CNTNAP5: variants seen among roughly 807,000 people sequenced by gnomAD.
The protein encoded by CNTNAP5 is contactin associated protein family member 5, also known as contactin-associated protein-like 5.
A neutral mutation model predicts 150.2 loss-of-function variants in CNTNAP5; 72 were observed. The ratio of observed to expected loss-of-function variants is 0.48; its 90% CI spans 0.40 to 0.58. The LOEUF is 0.58. CNTNAP5 is among the 20% of genes least tolerant of loss of function. The probability of loss-of-function intolerance (pLI) is 0.00; values close to 1 mark genes in which losing one functional copy is unlikely to be tolerated. For synonymous variants in CNTNAP5, 672 were observed against 619.8 expected, an observed-to-expected ratio of 1.08 and a Z score of -1.25; for missense variants, 1,636 against 1,626.2, an observed-to-expected ratio of 1.01 and a Z score of -0.10.
intron 13 of CNTNAP5, among the ~76,000 whole-genome samples, chr2:124,693,730 A>G (rs934891975): frequency 6.6e-5 from 10 of 151,172 alleles, no homozygotes; most frequent in African/African-American, 2.4e-4. Context: ...GGGCCAGTTT[A>G]TTTTTCAATA....
At chr2:124,375,079 A>G (rs745985490) in intron 3 of CNTNAP5, among the ~76,000 whole-genome samples, 1 of 152,114 alleles carries the variant, frequency 6.6e-6, no homozygotes, top group Non-Finnish European at 1.5e-5. Context: ...ATTCTAATGA[A>G]CAGAAGTAGA....
intron 7 of CNTNAP5, among the ~76,000 whole-genome samples, chr2:124,479,207 G>A (rs1368741898): frequency 6.6e-6 from 1 of 152,156 alleles, no homozygotes; most frequent in Non-Finnish European, 1.5e-5. Context: ...ATTGAAGTGT[G>A]TGTACAGTAC....
At chr2:124,767,892 G>C (rs1175915177) in intron 16 of CNTNAP5, among the ~76,000 whole-genome samples, 1 of 152,202 alleles carries the variant, frequency 6.6e-6, no homozygotes, top group African/African-American at 2.4e-5. Context: ...CATCATGGTG[G>C]AGCTGCATCC....
chr2:124,185,086 C>T (rs1158443125), intron 1 of CNTNAP5, among the ~76,000 whole-genome samples: 1 of 152,168 alleles, frequency 6.6e-6, no homozygotes, highest in Non-Finnish European at 1.5e-5. Context: ...TTATCATTAA[C>T]CCAATTGACA....
intron 19 of CNTNAP5, among the ~76,000 whole-genome samples, chr2:124,818,049 C>T (rs1441257553): frequency 6.6e-6 from 1 of 152,112 alleles, no homozygotes; most frequent in African/African-American, 2.4e-5. Context: ...GTGCTAAACT[C>T]ATATAAAGCA....
chr2:124,287,156 G>A (rs980919812), intron 3 of CNTNAP5, among the ~76,000 whole-genome samples: 1 of 152,152 alleles, frequency 6.6e-6, no homozygotes, highest in Admixed American at 6.6e-5. Flanking sequence ...CTACAATCGG[G>A]TGCTTACCTG....
At position 124,419,989 on chromosome 2, in the gene CNTNAP5, T is replaced by TTTCTTTC. The variant is rs1553466683; in HGVS notation, c.529+2401_529+2402insCTTTCTT. Among the ~76,000 whole-genome samples the TTTCTTTC allele has an allele frequency of 9.1e-4, 78 of 85,778 alleles. 4 individuals are homozygous for TTTCTTTC. Among genetic ancestry groups the TTTCTTTC allele is most frequent in the African/African-American group, 3.3e-3 (77 of 23,500 alleles). 56.3% of individuals were successfully genotyped at this position (85,778 alleles called of 152,430 possible). A position where few individuals can be genotyped will look rare whatever the true frequency, so the allele number is the denominator to read the frequency against. ...CTCTCTCTCTTTCTTTCTTTCTTTC[T>TTTCTTTC]TTTTTTTTTTTTTTTTTTTTGAGAT... On this transcript the variant is annotated intron_variant, in intron 4 of 23. Transcript: ENST00000682447.
intron 1 of CNTNAP5, among the ~76,000 whole-genome samples, chr2:124,151,192 G>A (rs2104634007): frequency 6.6e-6 from 1 of 152,284 alleles, no homozygotes; most frequent in South Asian, 2.1e-4. Context: ...GATATGGGGT[G>A]AATTGGGCCG....
intron 1 of CNTNAP5, among the ~76,000 whole-genome samples, chr2:124,082,713 T>A (rs1682588129): frequency 6.6e-6 from 1 of 152,254 alleles, no homozygotes. Context: ...GTATACTTTT[T>A]AAATAATCTG....
intron 3 of CNTNAP5, among the ~76,000 whole-genome samples, chr2:124,291,508 C>T (rs1473033482): frequency 1.3e-5 from 2 of 151,332 alleles, no homozygotes; most frequent in East Asian, 1.9e-4. Flanking sequence ...TAATTCTGTA[C>T]ACCAGAGAGA....
intron 3 of CNTNAP5, among the ~76,000 whole-genome samples, chr2:124,287,746 C>T (rs1371829300): frequency 2.0e-5 from 3 of 152,186 alleles, no homozygotes; most frequent in Middle Eastern, 6.8e-3. Context: ...TTCTAATGTA[C>T]CTGACTAGTG....
At chr2:124,291,001 ACAGT>A (rs1292527042) in intron 3 of CNTNAP5, among the ~76,000 whole-genome samples, 1 of 152,116 alleles carries the variant, frequency 6.6e-6, no homozygotes, top group Admixed American at 6.6e-5. Context: ...TGCCACAGTG[ACAGT>A]CACAGAGTGA....
chr2:124,053,247 G>A (rs1228168), intron 1 of CNTNAP5, among the ~76,000 whole-genome samples: 37,452 of 152,130 alleles, frequency 0.25, 4,903 homozygotes, highest in Middle Eastern at 0.32. Flanking sequence ...CTGAGGTGAA[G>A]CAGAACCAAA....
At chr2:124,444,541 G>C (rs1692763262) in intron 5 of CNTNAP5, among the ~76,000 whole-genome samples, 1 of 152,138 alleles carries the variant, frequency 6.6e-6, no homozygotes. Flanking sequence ...GTTGCAGTGA[G>C]CCCAGATCAT....
chr2:124,377,452 T>C (rs561474062), intron 3 of CNTNAP5, among the ~76,000 whole-genome samples: 11 of 152,158 alleles, frequency 7.2e-5, no homozygotes, highest in Non-Finnish European at 1.3e-4. Context: ...GGTGGGCAGA[T>C]CACCTGAGGT....
At chr2:124,507,454 A>T (rs1029253343) in intron 8 of CNTNAP5, among the ~76,000 whole-genome samples, 7 of 152,120 alleles carry the variant, frequency 4.6e-5, no homozygotes, top group African/African-American at 1.7e-4. Context: ...ATGAGATCCC[A>T]TCTCAAAAAA....
chr2:124,754,765 G>A (rs11889990), intron 14 of CNTNAP5, among the ~76,000 whole-genome samples: 1,766 of 151,860 alleles, frequency 0.012, 43 homozygotes, highest in African/African-American at 0.041. Flanking sequence ...TTGGCTCACC[G>A]CAGCCTCAAA....
At chr2:124,900,312 A>G (rs1195935705) in intron 21 of CNTNAP5, among the ~76,000 whole-genome samples, 1 of 151,626 alleles carries the variant, frequency 6.6e-6, no homozygotes, top group Non-Finnish European at 1.5e-5. Context: ...TGCTATTATA[A>G]GAAACTAAAA....
At chr2:124,106,794 T>C (rs1683181102) in intron 1 of CNTNAP5, among the ~76,000 whole-genome samples, 1 of 152,186 alleles carries the variant, frequency 6.6e-6, no homozygotes, top group African/African-American at 2.4e-5. Flanking sequence ...AGTGACAACC[T>C]GAGGCTTGGG....
Sources: allele counts gnomAD v4.1 joint callset (sites outside exome capture counted in the v4.1 genomes callset), GRCh38; gene constraint gnomAD v4.1.1; transcripts MANE v1.5; gene names NCBI Gene and HGNC (gene_info 2026-07-23, HGNC 2026-07-21).